The following SNAPC1 variants were observed in gnomAD, a reference collection of about 807,000 sequenced individuals.
SNAPC1 encodes the protein snRNA-activating protein complex subunit 1.
SNAPC1 carries 42 observed loss-of-function variants against 50.1 expected under a neutral mutation model. The ratio of observed to expected loss-of-function variants is 0.84; its 90% CI spans 0.65 to 1.08. The LOEUF (loss-of-function observed/expected upper bound fraction) is 1.08, where lower values mean the gene tolerates loss of function less well. SNAPC1 is among the 50% of genes least tolerant of loss of function. SNAPC1 has a pLI of 0.00. For synonymous variants in SNAPC1, 164 were observed against 144.2 expected (o/e 1.14, Z -0.98); for missense variants, 477 against 427.3 (o/e 1.12, Z -1.02).
intron 7 of SNAPC1, among the ~76,000 whole-genome samples, chr14:61,780,372 A>T (rs1210225200): frequency 6.6e-6 from 1 of 152,132 alleles, no homozygotes; most frequent in Non-Finnish European, 1.5e-5. Context: ...TCTGTTTTGT[A>T]CAGGAGATCA....
At chr14:61,776,045 G>A in intron 4 of SNAPC1, 50 bp from the exon 5 acceptor site, 1 of 1,484,352 alleles carries the variant, frequency 6.7e-7, no homozygotes. Flanking sequence ...TTGCCTTTTA[G>A]TTTCTCCTCA....
At chr14:61,767,417 C>G in intron 3 of SNAPC1, 65 bp downstream of exon 3, 1 of 1,027,768 alleles carries the variant, frequency 9.7e-7, no homozygotes, top group Non-Finnish European at 1.3e-6. Flanking sequence ...TCCATAAAAC[C>G]TCTCAATCTC....
chr14:61,785,455 A>C (rs1295741943), intron 8 of SNAPC1, among the ~76,000 whole-genome samples: 2 of 152,158 alleles, frequency 1.3e-5, no homozygotes, highest in Non-Finnish European at 2.9e-5. Context: ...TGATGGAGGA[A>C]ATCTGAATAG....
chr14:61,788,901 A>AT (rs1185377961), intron 8 of SNAPC1, among the ~76,000 whole-genome samples: 1 of 152,204 alleles, frequency 6.6e-6, no homozygotes. Context: ...AAATAAAATT[A>AT]TTGTCAGTCC....
At chr14:61,785,463 T>A (rs1046671387) in intron 8 of SNAPC1, among the ~76,000 whole-genome samples, 2 of 152,096 alleles carry the variant, frequency 1.3e-5, no homozygotes, top group African/African-American at 4.8e-5. Context: ...GAAATCTGAA[T>A]AGTCTAATGT....
chr14:61,782,473 C>A, intron 8 of SNAPC1, 76 bp downstream of exon 8: 3 of 1,145,490 alleles, frequency 2.6e-6, no homozygotes, highest in Non-Finnish European at 2.5e-6. Flanking sequence ...ATGTTTATTT[C>A]CTTGTTAAGA....
In SNAPC1 at chr14:61,782,289, T is replaced by A; in HGVS notation, c.868T>A (p.Ser290Thr). The A allele has an allele frequency of 6.2e-7, 1 of 1,611,764 alleles. No homozygotes were observed. The highest frequency in any genetic ancestry group is 1.1e-5 in the South Asian group (1 of 90,518). The change falls in exon 8 of 10, where the codon TCT becomes ACT. Residue 290 changes from serine (S) to threonine (T), a missense_variant. Transcript: ENST00000216294. The stretch of plus-strand genomic sequence containing the variant: ...GCATCGTCAAGTCAAACTCGACTCT[T>A]CTGACTCTGATTCTGCATCTGGTCA... ...RRHRQVKLDS[S>T]DSDSASGQGQ...
Position 61,786,639 on chromosome 14 carries a change from A to G in SNAPC1, c.976+4242A>G, listed in dbSNP as rs752207814. Among the ~76,000 whole-genome samples, 128 of 152,326 alleles carry G rather than the reference A, an allele frequency of 8.4e-4. 1 individual carries two copies. The highest frequency in any genetic ancestry group is 7.8e-4 in the Non-Finnish European group (53 of 68,032). On this transcript the variant is annotated intron_variant, in intron 8 of 9. Coordinates refer to ENST00000216294, the MANE Select transcript of SNAPC1 (RefSeq NM_003082.4). Reference sequence around the variant, plus strand: ...ACAAAAAGACCCCACAAAGCAAAACAAAAATTGTGATGAAAAAAGCTGTTG... The same window carrying G: ...ACAAAAAGACCCCACAAAGCAAAACGAAAATTGTGATGAAAAAAGCTGTTG...
intron 8 of SNAPC1, among the ~76,000 whole-genome samples, chr14:61,789,165 A>G (rs1316766874): frequency 6.8e-6 from 1 of 147,862 alleles, no homozygotes; most frequent in Non-Finnish European, 1.5e-5. Context: ...CAGGAGACGG[A>G]GGTTGCAGTG....
rs2045189471 is a variant in SNAPC1, at chr14:61,796,295, G to A, written c.*1312G>A. On this transcript the variant is annotated 3_prime_UTR_variant, in exon 10 of 10. Transcript: ENST00000216294. ...GATCGTGCCACTGCACTCCAGCCTG[G>A]GCAACAGAGTGAGACTTCGTCTCAA... 1 of 151,750 alleles carries A rather than the reference G, an allele frequency of 6.6e-6. No homozygotes were observed. The highest frequency in any genetic ancestry group is 2.4e-5 in the African/African-American group (1 of 41,236). 9.4% of individuals were successfully genotyped at this position (151,750 alleles called of 1,614,324 possible). A position where few individuals can be genotyped will look rare whatever the true frequency, so the allele number is the denominator to read the frequency against.
chr14:61,779,401 C>G (rs992837875), intron 7 of SNAPC1, among the ~76,000 whole-genome samples: 1 of 151,858 alleles, frequency 6.6e-6, no homozygotes, highest in African/African-American at 2.4e-5. Context: ...TCTTCTTCAG[C>G]TTTTCTTATT....
rs142093113 is a variant in SNAPC1 at position 61,773,293 on chromosome 14, G to A, written c.535-2802G>A. Among the ~76,000 whole-genome samples, 183 of 151,818 alleles carry A rather than the reference G, an allele frequency of 1.2e-3. 6 individuals are homozygous for A. In the East Asian group the frequency reaches 0.034, roughly 28 times the overall value. On this transcript the variant is annotated intron_variant, in intron 4 of 9. Transcript: ENST00000216294. ...TTATACAGTTATAATAATGGACATCGTGTGCTGAGTACTCACCATATACCT... is the reference window on the plus strand; with the variant it reads ...TTATACAGTTATAATAATGGACATCATGTGCTGAGTACTCACCATATACCT...
At position 61,776,210 on chromosome 14, in the gene SNAPC1, A is replaced by G. The variant is rs768466872; in HGVS notation, c.650A>G (p.Lys217Arg). ...LIKDDFFDNIKNIVLEHQQWH... is the reference protein window; with the variant it reads ...LIKDDFFDNIRNIVLEHQQWH... ...AAGGATGATTTTTTTGACAATATTA[A>G]GAACATAGTTTTGGAGCATCAGCAG... The change falls in exon 5 of 10, where the codon AAG (lysine) becomes AGG (arginine). Residue 217 changes from lysine (K) to arginine (R), a missense_variant. By Grantham distance (26) the Lys-to-Arg change is conservative. Transcript: ENST00000216294. 9.9e-5 allele frequency: 159 copies of G among 1,613,274 alleles called. No homozygotes were observed. The Middle Eastern group carries it at 2.1e-3, about 22-fold the overall frequency.
chr14:61,770,895 C>T (rs538783560), intron 4 of SNAPC1, among the ~76,000 whole-genome samples: 1 of 152,248 alleles, frequency 6.6e-6, no homozygotes, highest in African/African-American at 2.4e-5. Flanking sequence ...GTACGCACCA[C>T]CACACTCGGC....
At chr14:61,766,817 C>A in intron 1 of SNAPC1, 59 bp from the exon 2 acceptor site, 1 of 1,071,184 alleles carries the variant, frequency 9.3e-7, no homozygotes. Context: ...ATACTTTTGG[C>A]TTTTGTTCAT....
intron 8 of SNAPC1, among the ~76,000 whole-genome samples, chr14:61,786,793 T>C (rs1485044629): frequency 6.6e-6 from 1 of 152,240 alleles, no homozygotes; most frequent in African/African-American, 2.4e-5. Context: ...ATACTATTCC[T>C]TGGTATTTAC....
chr14:61,770,725 G>T (rs928043200), intron 4 of SNAPC1, among the ~76,000 whole-genome samples: 1 of 152,018 alleles, frequency 6.6e-6, no homozygotes, highest in African/African-American at 2.4e-5. Context: ...AAAAATTGAT[G>T]TCATACATAT....
intron 7 of SNAPC1, among the ~76,000 whole-genome samples, chr14:61,779,884 T>G (rs1010759716): frequency 6.6e-6 from 1 of 152,048 alleles, no homozygotes; most frequent in African/African-American, 2.4e-5. Flanking sequence ...AATTTTGTAT[T>G]TTTAGTAGAG....
chr14:61,790,269 A>G (rs575730289), intron 8 of SNAPC1, among the ~76,000 whole-genome samples: 1 of 152,220 alleles, frequency 6.6e-6, no homozygotes, highest in Non-Finnish European at 1.5e-5. Flanking sequence ...CTCGAATATA[A>G]CATGCATGTT....
Sources: gnomAD v4.1 joint callset for allele counts (sites outside exome capture counted in the v4.1 genomes callset) on GRCh38, gnomAD v4.1.1 for gene constraint, MANE v1.5 for transcripts, NCBI Gene and HGNC (gene_info 2026-07-23, HGNC 2026-07-21) for gene names.